The following WWOX variants were observed in gnomAD, a reference collection of about 807,000 sequenced individuals.
The protein encoded by WWOX is WW domain containing oxidoreductase.
WWOX carries 69 observed loss-of-function variants against 46.2 expected under a neutral mutation model. That is an observed-to-expected ratio of 1.49 (90% CI 1.23 to 1.82). WWOX has a LOEUF of 1.82. Among genes scored for constraint, WWOX ranks in the 40% most tolerant of loss-of-function variants. The pLI is 0.00. For missense variants in WWOX, 919 were observed against 542.6 expected (o/e 1.69, Z -6.89); for synonymous variants, 359 against 202.6 (o/e 1.77, Z -6.56).
intron 1 of WWOX, among the ~76,000 whole-genome samples, chr16:78,102,619 A>C (rs1160107978): frequency 6.6e-6 from 1 of 152,208 alleles, no homozygotes; most frequent in Non-Finnish European, 1.5e-5. Flanking sequence ...AGCTGAGCTT[A>C]CATGTCACTG....
intron 8 of WWOX, among the ~76,000 whole-genome samples, chr16:78,699,786 C>T (rs968206953): frequency 3.3e-5 from 5 of 152,134 alleles, no homozygotes; most frequent in African/African-American, 7.2e-5. Context: ...TCTAAATCAC[C>T]TTTAAACTTC....
At chr16:78,443,587 G>A (rs910190341) in intron 8 of WWOX, among the ~76,000 whole-genome samples, 2 of 152,026 alleles carry the variant, frequency 1.3e-5, no homozygotes, top group African/African-American at 2.4e-5. Context: ...AATCCGCCTC[G>A]GCCTTTGTTC....
intron 8 of WWOX, among the ~76,000 whole-genome samples, chr16:78,495,137 G>GTTCT (rs2084881330): frequency 1.2e-4 from 8 of 66,126 alleles, no homozygotes; most frequent in Admixed American, 1.2e-3. Flanking sequence ...GTAGTAGACT[G>GTTCT]TTGTGTTCTT....
intron 4 of WWOX, among the ~76,000 whole-genome samples, chr16:78,163,080 C>T (rs2034849345): frequency 1.3e-5 from 2 of 152,094 alleles, no homozygotes; most frequent in Admixed American, 1.3e-4. Flanking sequence ...ATCTCCTGTG[C>T]ATTTATTTCC....
At chr16:78,792,565 C>A (rs974855716) in intron 8 of WWOX, among the ~76,000 whole-genome samples, 1 of 152,130 alleles carries the variant, frequency 6.6e-6, no homozygotes, top group African/African-American at 2.4e-5. Flanking sequence ...CCATTTAATA[C>A]AAATTTGTCA....
At chr16:78,509,530 G>A (rs892382029) in intron 8 of WWOX, among the ~76,000 whole-genome samples, 6 of 152,052 alleles carry the variant, frequency 3.9e-5, no homozygotes, top group Admixed American at 6.6e-5. Context: ...GTGCTTTTGC[G>A]GTTATCTACG....
chr16:78,798,701 A>G (rs1360381919), intron 8 of WWOX, among the ~76,000 whole-genome samples: 1 of 152,124 alleles, frequency 6.6e-6, no homozygotes, highest in East Asian at 1.9e-4. Context: ...ATATATTAAA[A>G]TAAGCTATGG....
At chr16:78,753,347 C>T (rs184874324) in intron 8 of WWOX, among the ~76,000 whole-genome samples, 1 of 152,066 alleles carries the variant, frequency 6.6e-6, no homozygotes, top group Non-Finnish European at 1.5e-5. Context: ...AAGAAAGAAC[C>T]TCTTAGGCAA....
intron 8 of WWOX, among the ~76,000 whole-genome samples, chr16:79,200,630 G>A (rs1035650043): frequency 2.0e-5 from 3 of 151,996 alleles, no homozygotes; most frequent in Admixed American, 6.6e-5. Context: ...CACCACCGTC[G>A]TCGTCTTTTT....
Position 79,206,222 on chromosome 16 carries a change from A to T in WWOX, c.1057-5386A>T, listed in dbSNP as rs186783887. ...TGTTAGGGCATCACCTCATGGCCAG[A>T]CATGGCCTGGCTGAGAAGGCGGCAG... On this transcript the variant is annotated intron_variant, in intron 8 of 8. Transcript: ENST00000566780. The T allele has an allele frequency of 9.8e-5, 15 of 152,396 alleles. No homozygotes were observed. In the East Asian group the frequency reaches 2.3e-3, roughly 23 times the overall value. The allele number at this position is 152,396 out of a possible 1,614,324, so 9.4% of individuals were successfully genotyped here. A position where few individuals can be genotyped will look rare whatever the true frequency, so the allele number is the denominator to read the frequency against.
chr16:78,728,429 T>G (rs2048888141), intron 8 of WWOX, among the ~76,000 whole-genome samples: 1 of 152,132 alleles, frequency 6.6e-6, no homozygotes. Flanking sequence ...AAAAGTGGCG[T>G]TGTGCTACAT....
chr16:78,398,014 C>G (rs761222317), intron 6 of WWOX, among the ~76,000 whole-genome samples: 18 of 152,210 alleles, frequency 1.2e-4, no homozygotes, highest in Non-Finnish European at 2.5e-4. Flanking sequence ...TTTGCATCAT[C>G]TTTATACATT....
chr16:79,055,818 G>T (rs755685046), intron 8 of WWOX, among the ~76,000 whole-genome samples: 11 of 152,134 alleles, frequency 7.2e-5, no homozygotes, highest in Admixed American at 2.0e-4. Context: ...AAAACTCAAA[G>T]TGAGTCAGAC....
intron 8 of WWOX, among the ~76,000 whole-genome samples, chr16:78,672,458 C>G (rs533673497): frequency 6.6e-6 from 1 of 152,132 alleles, no homozygotes; most frequent in Non-Finnish European, 1.5e-5. Context: ...GTGTGCACTC[C>G]TCATGTTCCG....
At chr16:78,439,176 C>T (rs566602100) in intron 8 of WWOX, among the ~76,000 whole-genome samples, 4 of 152,194 alleles carry the variant, frequency 2.6e-5, no homozygotes, top group South Asian at 2.1e-4. Context: ...CTTTCTGTTG[C>T]GAGGGGGAAA....
At position 78,422,738 on chromosome 16, in the gene WWOX, CAT is replaced by C. The variant is rs575231968; in HGVS notation, c.606-2124_606-2123del. ...ACACACACATATATATATACACACA[CAT>C]ATATATACACATATATACACATATA... is the stretch of plus-strand genomic sequence containing the variant. On this transcript the variant is annotated intron_variant, in intron 6 of 8. Coordinates refer to ENST00000566780, the MANE Select transcript of WWOX (RefSeq NM_016373.4). 7.5e-4 allele frequency among the ~76,000 whole-genome samples: 76 copies of C among 101,422 alleles called. 1 individual carries two copies. The highest frequency in any genetic ancestry group is 6.1e-3 in the South Asian group (19 of 3,132). 66.5% of individuals were successfully genotyped at this position (101,422 alleles called of 152,430 possible).
intron 8 of WWOX, among the ~76,000 whole-genome samples, chr16:79,180,554 T>C (rs534806035): frequency 1.3e-5 from 2 of 152,102 alleles, no homozygotes; most frequent in Non-Finnish European, 1.5e-5. Context: ...GCAGGAGGAA[T>C]TGGGGAAATA....
rs115255071 is a variant in WWOX, at chr16:78,405,523, T to C, written c.605+18575T>C. Among the ~76,000 whole-genome samples, 1,029 of 152,312 alleles carry C rather than the reference T, an allele frequency of 6.8e-3. 10 individuals are homozygous for C. The highest frequency in any genetic ancestry group is 0.024 in the African/African-American group (992 of 41,558). ...GATGTTTCTCATTTTATTTGCTCTT[T>C]CCTTGAATATTTATTCAGGACATTC... On this transcript the variant is annotated intron_variant, in intron 6 of 8. Transcript: ENST00000566780.
At chr16:78,722,861 T>C (rs1427465164) in intron 8 of WWOX, among the ~76,000 whole-genome samples, 1 of 151,818 alleles carries the variant, frequency 6.6e-6, no homozygotes, top group Non-Finnish European at 1.5e-5. Flanking sequence ...GGCAACATAA[T>C]GAAAACCTAA....
Sources: allele counts gnomAD v4.1 joint callset (sites outside exome capture counted in the v4.1 genomes callset), GRCh38; gene constraint gnomAD v4.1.1; transcripts MANE v1.5; gene names NCBI Gene and HGNC (gene_info 2026-07-23, HGNC 2026-07-21).